PLXNA4: variants seen among roughly 807,000 people sequenced by gnomAD.
PLXNA4 encodes plexin A4.
A neutral mutation model predicts 191.8 loss-of-function variants in PLXNA4; 44 were observed. That is an observed-to-expected ratio of 0.23 (90% CI 0.18 to 0.29). PLXNA4 has a LOEUF of 0.29. Among genes scored for constraint, PLXNA4 ranks in the 10% least tolerant of loss-of-function variants. The probability of loss-of-function intolerance (pLI) is 1.00; values close to 1 mark genes in which losing one functional copy is unlikely to be tolerated. For missense variants in PLXNA4, 1,800 were observed against 2,488.8 expected, an observed-to-expected ratio of 0.72 and a Z score of 5.89; for synonymous variants, 1,082 against 1,009.5, an observed-to-expected ratio of 1.07 and a Z score of -1.36.
At chr7:132,180,386 C>A (rs1796665123) in intron 19 of PLXNA4, among the ~76,000 whole-genome samples, 200 bp downstream of exon 19, 1 of 152,194 alleles carries the variant, frequency 6.6e-6, no homozygotes, top group African/African-American at 2.4e-5. Context: ...CTTATTGTTG[C>A]ACCAGCCAGT....
At chr7:132,211,622 G>A (rs760670920) in intron 9 of PLXNA4, among the ~76,000 whole-genome samples, 7 of 152,218 alleles carry the variant, frequency 4.6e-5, no homozygotes, top group East Asian at 1.9e-4. Flanking sequence ...CTTGACTGCC[G>A]CAGGGAGGCT....
At chr7:132,239,479 A>T (rs1446889014) in intron 5 of PLXNA4, among the ~76,000 whole-genome samples, 2 of 152,128 alleles carry the variant, frequency 1.3e-5, no homozygotes, top group Admixed American at 6.5e-5. Context: ...CCAGGTAGGA[A>T]AGCCCCATGC....
intron 3 of PLXNA4, among the ~76,000 whole-genome samples, chr7:132,336,053 G>T (rs541549577): frequency 6.6e-6 from 1 of 152,196 alleles, no homozygotes; most frequent in Non-Finnish European, 1.5e-5. Context: ...TAGCAGAGCT[G>T]ACATATTCTC....
intron 3 of PLXNA4, among the ~76,000 whole-genome samples, chr7:132,375,913 G>A (rs1463916880): frequency 2.0e-5 from 3 of 152,170 alleles, no homozygotes; most frequent in African/African-American, 4.8e-5. Flanking sequence ...AGGAGCCAAG[G>A]AGAGCAAGAA....
chr7:132,241,122 G>A lies in PLXNA4; in HGVS notation c.1548C>T (p.Cys516=), dbSNP rs760323479. 30 of 1,613,050 alleles carry A rather than the reference G, an allele frequency of 1.9e-5. No individual in the cohort carries two copies. Among genetic ancestry groups the A allele is most frequent in the Non-Finnish European group, 2.5e-5 (30 of 1,179,352 alleles). The change falls in exon 5 of 32, where the codon TGC becomes TGT. Residue 516 remains cysteine (C), a synonymous_variant. Transcript: ENST00000321063. Reference sequence around the variant, plus strand: ...GGTCGCCTGAGCCAAGGCACTCGCCGCAGCTCTGATACTGACCACAGGACT... The same window carrying A: ...GGTCGCCTGAGCCAAGGCACTCGCCACAGCTCTGATACTGACCACAGGACT... ...PVESCGQYQS[C]GECLGSGDPH...
In PLXNA4 at chr7:132,639,018, C is replaced by T. The variant is rs140486800; in HGVS notation, c.-87+6910G>A. On this transcript the variant is annotated intron_variant, in intron 2 of 4. Transcript: ENST00000378539. ...CTTCCCAGTTCCAGTGGGCACCCCT[C>T]GCATGGTGCTCTAGGGGTTGGCATC... Among the ~76,000 whole-genome samples the T allele has an allele frequency of 1.9e-3, 286 of 152,310 alleles. 1 individual carries two copies. The highest frequency in any genetic ancestry group is 0.01 in the East Asian group (53 of 5,174).
At chr7:132,236,022 G>T (rs562952660) in intron 5 of PLXNA4, among the ~76,000 whole-genome samples, 37 of 152,282 alleles carry the variant, frequency 2.4e-4, no homozygotes, top group African/African-American at 8.7e-4. Flanking sequence ...CCAGGGTCAG[G>T]GGCTGCAAAA....
chr7:132,640,094 G>C (rs1157172310), intron 2 of PLXNA4, among the ~76,000 whole-genome samples: 1 of 152,234 alleles, frequency 6.6e-6, no homozygotes, highest in East Asian at 1.9e-4. Flanking sequence ...GCATACATGA[G>C]ATATCTCTGT....
intron 31 of PLXNA4, among the ~76,000 whole-genome samples, chr7:132,132,497 TTTCTATTCTA>T (rs1159802824): frequency 0.026 from 2,939 of 111,846 alleles, 96 homozygotes; most frequent in African/African-American, 0.035. Context: ...GCTCTATTCT[TTTCTATTCTA>T]TTCTATTCTA....
intron 3 of PLXNA4, among the ~76,000 whole-genome samples, chr7:132,361,151 G>T (rs1172879928): frequency 6.6e-6 from 1 of 152,148 alleles, no homozygotes; most frequent in Non-Finnish European, 1.5e-5. Context: ...AACTCATGGG[G>T]TACTTTCCAG....
intron 5 of PLXNA4, among the ~76,000 whole-genome samples, chr7:132,234,503 C>T (rs1256736914): frequency 6.6e-6 from 1 of 151,952 alleles, no homozygotes; most frequent in African/African-American, 2.4e-5. Context: ...CTGGGAGGGA[C>T]ATTGAGAGCT....
At chr7:132,488,345 G>T (rs1797644534) in intron 3 of PLXNA4, among the ~76,000 whole-genome samples, 1 of 152,172 alleles carries the variant, frequency 6.6e-6, no homozygotes. Context: ...AGAGCTAGCA[G>T]CCAGAAATAC....
At chr7:132,304,703 T>G (rs1437980201) in intron 3 of PLXNA4, among the ~76,000 whole-genome samples, 1 of 150,612 alleles carries the variant, frequency 6.6e-6, no homozygotes, top group Non-Finnish European at 1.5e-5. Context: ...ATTCACCAAG[T>G]GACCTTGCTA....
intron 3 of PLXNA4, among the ~76,000 whole-genome samples, chr7:132,401,140 G>C (rs1172333057): frequency 6.6e-6 from 1 of 152,102 alleles, no homozygotes; most frequent in Non-Finnish European, 1.5e-5. Context: ...GCAAAAAACT[G>C]GTGAAATCTG....
At chr7:132,323,961 A>G (rs1802269662) in intron 3 of PLXNA4, among the ~76,000 whole-genome samples, 3 of 152,114 alleles carry the variant, frequency 2.0e-5, no homozygotes, top group Non-Finnish European at 1.5e-5. Context: ...AATCATCACA[A>G]AATAGGCCTA....
chr7:132,618,862 A>G (rs1316951507), intron 2 of PLXNA4, among the ~76,000 whole-genome samples: 1 of 152,240 alleles, frequency 6.6e-6, no homozygotes, highest in East Asian at 1.9e-4. Context: ...GTGAAATTAA[A>G]CATAAAAAGT....
intron 21 of PLXNA4, among the ~76,000 whole-genome samples, chr7:132,169,990 G>T (rs960551154): frequency 2.6e-5 from 4 of 151,940 alleles, no homozygotes; most frequent in Non-Finnish European, 5.9e-5. Flanking sequence ...AGGTAACTTC[G>T]GAGTCACGTC....
At chr7:132,290,993 CCTCA>C (rs1022177017) in intron 4 of PLXNA4, among the ~76,000 whole-genome samples, 110 of 152,318 alleles carry the variant, frequency 7.2e-4, no homozygotes, top group African/African-American at 2.4e-3. Context: ...CTCATTGAAT[CCTCA>C]CTCACTCCAG....
intron 3 of PLXNA4, among the ~76,000 whole-genome samples, chr7:132,475,758 T>C (rs1797101832): frequency 6.7e-6 from 1 of 150,362 alleles, no homozygotes; most frequent in Non-Finnish European, 1.5e-5. Context: ...AAGGAGCACT[T>C]AAAAAAAAGC....
Sources: allele counts gnomAD v4.1 joint callset (sites outside exome capture counted in the v4.1 genomes callset), GRCh38; gene constraint gnomAD v4.1.1; transcripts MANE v1.5; gene names NCBI Gene and HGNC (gene_info 2026-07-23, HGNC 2026-07-21).